PSME4: variants seen among roughly 807,000 people sequenced by gnomAD.
PSME4 encodes the protein proteasome activator complex subunit 4.
PSME4 carries 89 observed loss-of-function variants against 253.9 expected under a neutral mutation model. That is an observed-to-expected ratio of 0.35 (90% CI 0.30 to 0.42). The LOEUF (loss-of-function observed/expected upper bound fraction) is 0.42. PSME4 is among the 10% of genes least tolerant of loss of function. The probability of loss-of-function intolerance (pLI) is 1.00; values close to 1 mark genes in which losing one functional copy is unlikely to be tolerated. For missense variants in PSME4, 2,014 were observed against 2,195.2 expected (o/e 0.92, Z 1.65); for synonymous variants, 851 against 759.2 (o/e 1.12, Z -1.99).
At chr2:53,934,898 T>C (rs1189621405) in intron 7 of PSME4, among the ~76,000 whole-genome samples, 171 bp from the exon 8 acceptor site, 6 of 152,180 alleles carry the variant, frequency 3.9e-5, no homozygotes, top group Non-Finnish European at 4.4e-5. Context: ...AAATTACATA[T>C]AAATATCAAC....
intron 3 of PSME4, among the ~76,000 whole-genome samples, chr2:53,947,475 G>A (rs774260790): frequency 2.7e-4 from 41 of 152,198 alleles, no homozygotes; most frequent in Non-Finnish European, 5.1e-4. Flanking sequence ...GGAGGCTGAG[G>A]CAGGGGGATC....
intron 29 of PSME4, among the ~76,000 whole-genome samples, chr2:53,899,013 C>CA (rs1225481043): frequency 6.6e-6 from 1 of 150,714 alleles, no homozygotes; most frequent in Non-Finnish European, 1.5e-5. Context: ...CTTAAAAAAA[C>CA]AAAAAAAGAA....
At chr2:53,900,385 C>T (rs1339234732) in intron 28 of PSME4, among the ~76,000 whole-genome samples, 5 of 151,140 alleles carry the variant, frequency 3.3e-5, no homozygotes, top group Non-Finnish European at 7.4e-5. Flanking sequence ...ACAGCAAGAC[C>T]CCTGTCTCTC....
intron 3 of PSME4, among the ~76,000 whole-genome samples, chr2:53,943,178 G>A (rs555049802): frequency 6.6e-6 from 1 of 152,348 alleles, no homozygotes; most frequent in African/African-American, 2.4e-5. Flanking sequence ...AGAAGTACTT[G>A]CAGCTTCACT....
intron 1 of PSME4, among the ~76,000 whole-genome samples, chr2:53,967,649 CAAAAAAAAAAAA>C (rs71408747): frequency 1.8e-3 from 38 of 21,560 alleles, no homozygotes; most frequent in Middle Eastern, 0.05. Context: ...GAGATTGTCT[CAAAAAAAAAAAA>C]AAAAAAAAAA....
intron 20 of PSME4, among the ~76,000 whole-genome samples, chr2:53,910,931 G>C (rs1667803467): frequency 6.6e-6 from 1 of 152,042 alleles, no homozygotes; most frequent in Non-Finnish European, 1.5e-5. Context: ...GCACAAATCA[G>C]GCAAGCATAT....
At position 53,953,262 on chromosome 2, in the gene PSME4, T is replaced by C. The variant is rs11685517; in HGVS notation, c.243-3979A>G. ...TTTATCATAAATAACTTCTAGTCACTATAAGACACCATTAAAAGTAAAAAG... is the reference window on the plus strand; with the variant it reads ...TTTATCATAAATAACTTCTAGTCACCATAAGACACCATTAAAAGTAAAAAG... On this transcript the variant is annotated intron_variant, in intron 1 of 46. Transcript: ENST00000404125. Among the ~76,000 whole-genome samples the C allele has an allele frequency of 8.0e-3, 1,220 of 152,240 alleles. 11 individuals are homozygous for C. Among genetic ancestry groups the C allele is most frequent in the Non-Finnish European group, 0.013 (911 of 68,018 alleles).
intron 1 of PSME4, among the ~76,000 whole-genome samples, chr2:53,952,846 T>C (rs905022200): frequency 3.3e-5 from 5 of 152,176 alleles, no homozygotes; most frequent in Admixed American, 2.0e-4. Flanking sequence ...TGCAGCCCGG[T>C]TCCTAACAGG....
intron 1 of PSME4, among the ~76,000 whole-genome samples, chr2:53,962,658 A>T (rs571093436): frequency 6.6e-6 from 1 of 152,158 alleles, no homozygotes; most frequent in African/African-American, 2.4e-5. Flanking sequence ...ATTTTCTTCA[A>T]TGTTTTTGAT....
At chr2:53,912,683 C>T (rs1328180444) in intron 20 of PSME4, among the ~76,000 whole-genome samples, 1 of 152,132 alleles carries the variant, frequency 6.6e-6, no homozygotes, top group Non-Finnish European at 1.5e-5. Flanking sequence ...CCAAGCTGGT[C>T]TCAAATCCCT....
intron 3 of PSME4, among the ~76,000 whole-genome samples, chr2:53,943,094 ATT>A (rs748669744): frequency 4.7e-4 from 71 of 152,364 alleles, no homozygotes; most frequent in South Asian, 1.4e-3. Flanking sequence ...CCAGGACAAT[ATT>A]CACTTCTAAA....
intron 27 of PSME4, among the ~76,000 whole-genome samples, chr2:53,902,430 CT>C (rs1218917968): frequency 6.6e-6 from 1 of 152,162 alleles, no homozygotes; most frequent in Non-Finnish European, 1.5e-5. Context: ...ACTATCAAAA[CT>C]TTTGATTTCC....
rs111334093 is a variant in PSME4, at chr2:53,931,832, T to C, written c.1316+3A>G. The C allele has an allele frequency of 7.7e-5, 125 of 1,613,792 alleles. No homozygotes were observed. The African/African-American group carries it at 1.4e-3, about 18-fold the overall frequency. ...GTGGCTGAGACTCCCACTAACCACT[T>C]ACCTTTCAAGTACAGGGGGTATTAC... On this transcript the variant is annotated splice_donor_region_variant and intron_variant, in intron 10 of 46. Transcript: ENST00000404125.
chr2:53,897,444 C>A (rs1249591505), intron 31 of PSME4, among the ~76,000 whole-genome samples: 1 of 152,152 alleles, frequency 6.6e-6, no homozygotes, highest in African/African-American at 2.4e-5. Context: ...GCTGGGATTA[C>A]AGGCATGAGC....
chr2:53,930,039 A>T (rs548957182), intron 10 of PSME4, among the ~76,000 whole-genome samples: 1 of 151,684 alleles, frequency 6.6e-6, no homozygotes, highest in East Asian at 1.9e-4. Flanking sequence ...ATAATAAATA[A>T]ATAAATAAAT....
rs1291984075 is a variant in PSME4, at chr2:53,904,176, C to T, written c.2944-20G>A. The T allele has an allele frequency of 6.3e-7, 1 of 1,594,334 alleles. No homozygotes were observed. Among genetic ancestry groups the T allele is most frequent in the Non-Finnish European group, 8.5e-7 (1 of 1,169,702 alleles). On this transcript the variant is annotated intron_variant, in intron 26 of 46. Transcript: ENST00000404125. Reference sequence around the variant, plus strand: ...TCTCACCTGGAGGAAGTATTATTAACAAAGGACTTTTATTAAATAGTAAAG... The same window carrying T: ...TCTCACCTGGAGGAAGTATTATTAATAAAGGACTTTTATTAAATAGTAAAG...
At chr2:53,966,587 T>C (rs1054145511) in intron 1 of PSME4, among the ~76,000 whole-genome samples, 1 of 151,306 alleles carries the variant, frequency 6.6e-6, no homozygotes, top group Non-Finnish European at 1.5e-5. Flanking sequence ...GATAATAATG[T>C]TGGAGGCAAG....
chr2:53,955,270 A>C (rs1670179251), intron 1 of PSME4, among the ~76,000 whole-genome samples: 1 of 152,242 alleles, frequency 6.6e-6, no homozygotes, highest in Non-Finnish European at 1.5e-5. Context: ...TGGCTTGTTA[A>C]AGTGTGGCTT....
chr2:53,958,101 G>A (rs1670316257), intron 1 of PSME4, among the ~76,000 whole-genome samples: 1 of 150,776 alleles, frequency 6.6e-6, no homozygotes, highest in Non-Finnish European at 1.5e-5. Flanking sequence ...CAGGAGAATT[G>A]CTTGAACTAG....
Sources: gnomAD v4.1 joint callset for allele counts (sites outside exome capture counted in the v4.1 genomes callset) on GRCh38, gnomAD v4.1.1 for gene constraint, MANE v1.5 for transcripts, NCBI Gene and HGNC (gene_info 2026-07-23, HGNC 2026-07-21) for gene names.